The following MRPS27 variants were observed in gnomAD, a reference collection of about 807,000 sequenced individuals.
MRPS27 encodes small ribosomal subunit protein mS27.
MRPS27 carries 43 observed loss-of-function variants against 48.9 expected under a neutral mutation model. That is an observed-to-expected ratio of 0.88 (90% CI 0.69 to 1.13). MRPS27 has a LOEUF of 1.13. MRPS27 is among the 50% of genes most tolerant of loss of function. MRPS27 has a pLI of 0.00. For synonymous variants in MRPS27, 188 were observed against 171.9 expected (o/e 1.09, Z -0.73); for missense variants, 467 against 476.3 (o/e 0.98, Z 0.18).
chr5:72,239,772 T>C (rs1036464576), intron 4 of MRPS27, among the ~76,000 whole-genome samples: 1 of 152,142 alleles, frequency 6.6e-6, no homozygotes, highest in Non-Finnish European at 1.5e-5. Flanking sequence ...AACTAACTCC[T>C]AGGCTCAAGC....
chr5:72,235,379 A>G (rs1748173223), intron 5 of MRPS27, among the ~76,000 whole-genome samples: 3 of 152,094 alleles, frequency 2.0e-5, no homozygotes, highest in Admixed American at 1.3e-4. Context: ...AGCAAACCCA[A>G]TGAGGGATGA....
intron 2 of MRPS27, among the ~76,000 whole-genome samples, chr5:72,303,882 C>CAAAAAAAAAAAAAAAAAA (rs397818748): frequency 1.4e-5 from 1 of 69,162 alleles, no homozygotes; most frequent in African/African-American, 6.1e-5. Context: ...GACCTCATCT[C>CAAAAAAAAAAAAAAAAAA]AAAAAAAAAA....
At chr5:72,292,331 T>C (rs1374133921) in intron 4 of MRPS27, among the ~76,000 whole-genome samples, 1 of 151,814 alleles carries the variant, frequency 6.6e-6, no homozygotes, top group African/African-American at 2.4e-5. Flanking sequence ...TATTTATAAA[T>C]AGAAGGCAAA....
At chr5:72,259,890 C>A (rs73761744) in intron 4 of MRPS27, among the ~76,000 whole-genome samples, 4 of 152,176 alleles carry the variant, frequency 2.6e-5, no homozygotes, top group Admixed American at 2.6e-4. Flanking sequence ...ACGAATATGA[C>A]AGGTAAAAAG....
chr5:72,319,898 G>A (rs1294116661), intron 1 of MRPS27: 1 of 511,990 alleles, frequency 2.0e-6, no homozygotes, highest in African/African-American at 2.0e-5. Context: ...TAAATCTGGC[G>A]AATCATACGC....
At chr5:72,268,298 T>C (rs1749150493) in intron 4 of MRPS27, among the ~76,000 whole-genome samples, 1 of 152,210 alleles carries the variant, frequency 6.6e-6, no homozygotes, top group Non-Finnish European at 1.5e-5. Context: ...CTTCTAAAAG[T>C]CCAGAGGCTT....
chr5:72,302,974 A>G (rs922322292), intron 2 of MRPS27, among the ~76,000 whole-genome samples: 4 of 152,206 alleles, frequency 2.6e-5, no homozygotes, highest in Admixed American at 2.0e-4. Context: ...TGGGGATTTA[A>G]TCCACTCTTC....
chr5:72,301,301 CAAA>C (rs940675503), intron 2 of MRPS27, among the ~76,000 whole-genome samples: 1 of 152,114 alleles, frequency 6.6e-6, no homozygotes, highest in Non-Finnish European at 1.5e-5. Context: ...AAAATAAAAA[CAAA>C]AAAGTCCTTA....
intron 4 of MRPS27, among the ~76,000 whole-genome samples, chr5:72,244,493 G>A (rs977467396): frequency 4.6e-5 from 7 of 152,108 alleles, no homozygotes; most frequent in Admixed American, 2.0e-4. Context: ...ATCAAAAGTA[G>A]GATGCATGTC....
chr5:72,278,560 C>T (rs1269633997), intron 4 of MRPS27, among the ~76,000 whole-genome samples: 1 of 151,976 alleles, frequency 6.6e-6, no homozygotes, highest in African/African-American at 2.4e-5. Flanking sequence ...GATCCTACTC[C>T]AACCCCATCC....
chr5:72,228,414 C>T (rs867428806), intron 7 of MRPS27, 46 bp from the exon 8 acceptor site: 4 of 1,315,506 alleles, frequency 3.0e-6, no homozygotes, highest in African/African-American at 2.9e-5. Flanking sequence ...GCAATGAGTA[C>T]TTTATACAAA....
intron 4 of MRPS27, among the ~76,000 whole-genome samples, chr5:72,262,610 T>C (rs916431045): frequency 1.3e-5 from 2 of 151,984 alleles, no homozygotes; most frequent in African/African-American, 4.8e-5. Flanking sequence ...TAATCAATAG[T>C]AATAAACCAA....
At chr5:72,289,473 G>T (rs1749762555) in intron 4 of MRPS27, among the ~76,000 whole-genome samples, 1 of 151,556 alleles carries the variant, frequency 6.6e-6, no homozygotes, top group South Asian at 2.1e-4. Flanking sequence ...CTACGCTGGA[G>T]TACAGTGGTA....
At chr5:72,263,207 A>G (rs1336130890) in intron 4 of MRPS27, among the ~76,000 whole-genome samples, 1 of 152,200 alleles carries the variant, frequency 6.6e-6, no homozygotes, top group South Asian at 2.1e-4. Context: ...ACATTAGACC[A>G]TAAGACCTTT....
In MRPS27 at chr5:72,258,138, G is replaced by C. The variant is rs576444955; in HGVS notation, c.282-20010C>G. On this transcript the variant is annotated intron_variant, in intron 4 of 10. Transcript: ENST00000261413. The stretch of plus-strand genomic sequence containing the variant: ...AATGACTGGGAAGCTTAAAAAGTCC[G>C]AGGCACCAGAGCATCTATAAAGATT... Among the ~76,000 whole-genome samples the C allele has an allele frequency of 8.7e-5, 13 of 149,554 alleles. No individual in the cohort carries two copies. In the South Asian group the frequency reaches 2.1e-3, roughly 24 times the overall value.
intron 4 of MRPS27, among the ~76,000 whole-genome samples, chr5:72,281,328 T>C (rs999573089): frequency 3.3e-5 from 5 of 152,150 alleles, no homozygotes; most frequent in African/African-American, 1.2e-4. Flanking sequence ...TTAACACTCA[T>C]TTTATGAGGG....
intron 2 of MRPS27, among the ~76,000 whole-genome samples, chr5:72,301,193 G>A (rs140755814): frequency 2.6e-5 from 4 of 152,232 alleles, no homozygotes; most frequent in African/African-American, 9.6e-5. Flanking sequence ...TACCTACTGG[G>A]GGAAAACAAC....
At chr5:72,256,956 C>G (rs1748826248) in intron 4 of MRPS27, among the ~76,000 whole-genome samples, 1 of 152,068 alleles carries the variant, frequency 6.6e-6, no homozygotes, top group Non-Finnish European at 1.5e-5. Flanking sequence ...TTAGTAAGCA[C>G]AGGATTTGAG....
At chr5:72,304,940 T>C (rs1750221417) in intron 2 of MRPS27, among the ~76,000 whole-genome samples, 1 of 152,252 alleles carries the variant, frequency 6.6e-6, no homozygotes, top group East Asian at 1.9e-4. Context: ...CAGATTATTA[T>C]TGTCCTTCCT....
Sources: allele counts gnomAD v4.1 joint callset (sites outside exome capture counted in the v4.1 genomes callset), GRCh38; gene constraint gnomAD v4.1.1; transcripts MANE v1.5; gene names NCBI Gene and HGNC (gene_info 2026-07-23, HGNC 2026-07-21).